The following CDC73 variants were observed in gnomAD, a reference collection of about 807,000 sequenced individuals.
CDC73 encodes the protein cell division cycle 73, also known as parafibromin.
CDC73 carries 21 observed loss-of-function variants against 83.7 expected under a neutral mutation model. The observed-to-expected ratio is 0.25, with a 90% confidence interval of 0.18 to 0.36. The LOEUF (loss-of-function observed/expected upper bound fraction) is 0.36. Among genes scored for constraint, CDC73 ranks in the 10% least tolerant of loss-of-function variants. CDC73 has a pLI of 1.00. For synonymous variants in CDC73, 224 were observed against 212.9 expected, an observed-to-expected ratio of 1.05 and a Z score of -0.45; for missense variants, 342 against 653.3, an observed-to-expected ratio of 0.52 and a Z score of 5.19.
At chr1:193,187,501 T>G (rs1676837362) in intron 10 of CDC73, among the ~76,000 whole-genome samples, 1 of 152,200 alleles carries the variant, frequency 6.6e-6, no homozygotes, top group African/African-American at 2.4e-5. Context: ...GGCACCTTCT[T>G]TTCTTACTGC....
rs774929686 is a variant in CDC73 at position 193,232,952 on chromosome 1, G to A, written c.1155-41G>A. The stretch of plus-strand genomic sequence containing the variant: ...TAGTTTATCTTCCCATTTTCATCAC[G>A]TGGAATACATTGACTTTTTCTCATC... On this transcript the variant is annotated intron_variant, in intron 13 of 16. Transcript: ENST00000367435. The A allele has an allele frequency of 2.4e-5, 37 of 1,534,450 alleles. No individual in the cohort carries two copies. The highest frequency in any genetic ancestry group is 4.1e-5 in the African/African-American group (3 of 73,182).
chr1:193,252,454 T>C lies in CDC73; in HGVS notation c.*1742T>C. 1 of 229,820 alleles carries C rather than the reference T, an allele frequency of 4.4e-6. No individual in the cohort carries two copies. The highest frequency in any genetic ancestry group is 6.2e-5 in the East Asian group (1 of 16,094). 14.2% of individuals were successfully genotyped at this position (229,820 alleles called of 1,614,324 possible). On this transcript the variant is annotated 3_prime_UTR_variant, in exon 17 of 17. Coordinates refer to ENST00000367435, the MANE Select transcript of CDC73 (RefSeq NM_024529.5). ...AGTATGAACTACCTTCCCATAAAGA[T>C]TTTTGGTATTTGTACTTATTTATGA...
intron 10 of CDC73, among the ~76,000 whole-genome samples, chr1:193,165,704 C>G (rs555161593): frequency 3.7e-4 from 57 of 152,326 alleles, no homozygotes; most frequent in African/African-American, 1.1e-3. Flanking sequence ...GTCTTTTTCT[C>G]TCTTTCACAC....
At chr1:193,124,530 A>G (rs768000227) in intron 1 of CDC73, among the ~76,000 whole-genome samples, 1 of 152,164 alleles carries the variant, frequency 6.6e-6, no homozygotes, top group Non-Finnish European at 1.5e-5. Context: ...TAATATTAGT[A>G]CCTGCATTAG....
chr1:193,201,534 T>C (rs928000224), intron 10 of CDC73, among the ~76,000 whole-genome samples: 8 of 152,138 alleles, frequency 5.3e-5, no homozygotes, highest in Non-Finnish European at 7.4e-5. Context: ...AGAAGGACTT[T>C]TGATTGATGT....
intron 13 of CDC73, among the ~76,000 whole-genome samples, chr1:193,232,304 CA>C (rs1383291212): frequency 1.3e-5 from 2 of 151,992 alleles, no homozygotes; most frequent in Non-Finnish European, 2.9e-5. Context: ...CTAGCCACAA[CA>C]ACTTTTTCAT....
intron 1 of CDC73, among the ~76,000 whole-genome samples, chr1:193,124,425 A>C (rs1333477345): frequency 1.3e-5 from 2 of 152,190 alleles, no homozygotes; most frequent in Non-Finnish European, 2.9e-5. Context: ...AAGGTAGAAA[A>C]GTAGGTTTAG....
chr1:193,218,643 G>A lies in CDC73; in HGVS notation c.1154+6166G>A, dbSNP rs573145975. On this transcript the variant is annotated intron_variant, in intron 13 of 16. Coordinates refer to ENST00000367435, the MANE Select transcript of CDC73 (RefSeq NM_024529.5). ...CAACCATCTGCTTTTTGACAAAGTC[G>A]ACAGGAACAAGCAGTGGGGAAAGTG... is the stretch of plus-strand genomic sequence containing the variant. Among the ~76,000 whole-genome samples, 4 of 152,172 alleles carry A rather than the reference G, an allele frequency of 2.6e-5. 1 individual carries two copies. The highest frequency in any genetic ancestry group is 5.9e-5 in the Non-Finnish European group (4 of 68,040).
intron 10 of CDC73, among the ~76,000 whole-genome samples, chr1:193,184,791 GT>G (rs1354642414): frequency 1.3e-5 from 2 of 151,978 alleles, no homozygotes; most frequent in Non-Finnish European, 2.9e-5. Context: ...AAATTCATGG[GT>G]GAGAGTGATG....
At chr1:193,165,879 A>G (rs959187307) in intron 10 of CDC73, among the ~76,000 whole-genome samples, 1 of 152,156 alleles carries the variant, frequency 6.6e-6, no homozygotes, top group Non-Finnish European at 1.5e-5. Flanking sequence ...ATTTACTTAC[A>G]CTGTATTGAT....
intron 1 of CDC73, chr1:193,122,639 G>T (rs1001857136): frequency 3.8e-5 from 13 of 342,338 alleles, no homozygotes; most frequent in African/African-American, 2.3e-4. Flanking sequence ...GGACTGGTGC[G>T]CAAGGGATAC....
intron 10 of CDC73, among the ~76,000 whole-genome samples, chr1:193,174,579 T>C (rs1044710702): frequency 6.6e-6 from 1 of 152,232 alleles, no homozygotes; most frequent in Non-Finnish European, 1.5e-5. Flanking sequence ...TTAATGATGC[T>C]TTGTAATATA....
chr1:193,134,652 G>C (rs1431543017), intron 3 of CDC73, among the ~76,000 whole-genome samples: 4 of 152,146 alleles, frequency 2.6e-5, no homozygotes, highest in South Asian at 4.1e-4. Context: ...CTGGGTGACA[G>C]AGCGAGACTC....
intron 11 of CDC73, among the ~76,000 whole-genome samples, chr1:193,204,652 A>G (rs938435780): frequency 3.9e-5 from 6 of 152,204 alleles, no homozygotes; most frequent in Admixed American, 1.3e-4. Context: ...AAAATAGGTT[A>G]TAAAACACTG....
At chr1:193,124,253 ATACT>A (rs1447051093) in intron 1 of CDC73, among the ~76,000 whole-genome samples, 1 of 152,242 alleles carries the variant, frequency 6.6e-6, no homozygotes, top group Non-Finnish European at 1.5e-5. Flanking sequence ...ACACTAAACA[ATACT>A]TACTCTTCTT....
At position 193,251,438 on chromosome 1, in the gene CDC73, GTA is replaced by G. The variant is rs1678041407; in HGVS notation, c.*728_*729del. On this transcript the variant is annotated 3_prime_UTR_variant, in exon 17 of 17. Coordinates refer to ENST00000367435, the MANE Select transcript of CDC73 (RefSeq NM_024529.5). ...CAGATTAAAACCACAATAGGCTGTAGTATTTTTTATTTTGGGAGCCAGAGTAT... is the reference window on the plus strand; with the variant it reads ...CAGATTAAAACCACAATAGGCTGTAGTTTTTTATTTTGGGAGCCAGAGTAT... The G allele has an allele frequency of 4.3e-6, 1 of 232,028 alleles. No homozygotes were observed. The highest frequency in any genetic ancestry group is 6.1e-5 in the East Asian group (1 of 16,360). 14.4% of individuals were successfully genotyped at this position (232,028 alleles called of 1,614,324 possible). A position where few individuals can be genotyped will look rare whatever the true frequency, so the allele number is the denominator to read the frequency against.
At chr1:193,219,256 G>T (rs1677423110) in intron 13 of CDC73, among the ~76,000 whole-genome samples, 1 of 152,206 alleles carries the variant, frequency 6.6e-6, no homozygotes, top group Non-Finnish European at 1.5e-5. Flanking sequence ...TCTTGGTGAG[G>T]TTGTGGAGAA....
chr1:193,248,972 G>A (rs772904518), intron 15 of CDC73, among the ~76,000 whole-genome samples: 7 of 152,114 alleles, frequency 4.6e-5, no homozygotes, highest in East Asian at 1.9e-4. Context: ...ATAGTAAAGC[G>A]GCAGAGTTTG....
At chr1:193,161,643 TATAA>T (rs1676313797) in intron 10 of CDC73, among the ~76,000 whole-genome samples, 1 of 83,226 alleles carries the variant, frequency 1.2e-5, no homozygotes, top group Non-Finnish European at 2.2e-5. Context: ...TAATATATTA[TATAA>T]TATATAATAT....
Sources: gnomAD v4.1 joint callset for allele counts (sites outside exome capture counted in the v4.1 genomes callset) on GRCh38, gnomAD v4.1.1 for gene constraint, MANE v1.5 for transcripts, NCBI Gene and HGNC (gene_info 2026-07-23, HGNC 2026-07-21) for gene names.